The following CRAMP1 variants were observed in gnomAD, a reference collection of about 807,000 sequenced individuals.
The protein encoded by CRAMP1 is protein cramped-like.
Under a neutral mutation model 115.4 loss-of-function variants are expected in CRAMP1, and 50 were observed. The ratio of observed to expected loss-of-function variants is 0.43; its 90% CI spans 0.35 to 0.55. The LOEUF (loss-of-function observed/expected upper bound fraction) is 0.55. CRAMP1 is among the 20% of genes least tolerant of loss of function. The pLI, the probability that CRAMP1 is intolerant of heterozygous loss-of-function variation, is 0.01. For synonymous variants in CRAMP1, 866 were observed against 745.4 expected (o/e 1.16, Z -2.64); for missense variants, 1,679 against 1,721.7 (o/e 0.98, Z 0.44).
intron 8 of CRAMP1, among the ~76,000 whole-genome samples, chr16:1,653,967 C>G (rs2036747242): frequency 6.6e-6 from 1 of 151,582 alleles, no homozygotes; most frequent in African/African-American, 2.4e-5. Flanking sequence ...TGGTGAAACC[C>G]TGTCTCTACT....
rs377046325 is a variant in CRAMP1 at position 1,654,671 on chromosome 16, C to T, written c.1038-548C>T. Among the ~76,000 whole-genome samples the T allele has an allele frequency of 2.0e-3, 308 of 152,332 alleles. 7 individuals carry two copies. Among genetic ancestry groups the T allele is most frequent in the Middle Eastern group, 0.014 (4 of 294 alleles). On this transcript the variant is annotated intron_variant, in intron 8 of 20. Transcript: ENST00000397412. ...TCTATTCTCCATTCTCACCCTCCCACGGCCGCCGGCACCTCCCAGTCCGCC... is the reference window on the plus strand; with the variant it reads ...TCTATTCTCCATTCTCACCCTCCCATGGCCGCCGGCACCTCCCAGTCCGCC...
chr16:1,653,758 T>G (rs1453160215), intron 8 of CRAMP1, among the ~76,000 whole-genome samples: 1 of 150,166 alleles, frequency 6.7e-6, no homozygotes, highest in Non-Finnish European at 1.5e-5. Flanking sequence ...GAGGCGGAGC[T>G]TGCAGTGAGC....
chr16:1,637,818 T>G lies in CRAMP1; in HGVS notation c.695-6T>G. On this transcript the variant is annotated splice_region_variant and splice_polypyrimidine_tract_variant and intron_variant, in intron 4 of 20. Coordinates refer to ENST00000397412, the MANE Select transcript of CRAMP1 (RefSeq NM_020825.4). ...CTCTAAAGCCGCCTTCTCTTCTGTTTCTCAGTGTTCTCTCGAGGCCTGAAG... is the reference window on the plus strand; with the variant it reads ...CTCTAAAGCCGCCTTCTCTTCTGTTGCTCAGTGTTCTCTCGAGGCCTGAAG... 6.7e-7 allele frequency: 1 copy of G among 1,492,854 alleles called. No individual in the cohort carries two copies. The highest frequency in any genetic ancestry group is 9.0e-7 in the Non-Finnish European group (1 of 1,114,646). The allele number at this position is 1,492,854 out of a possible 1,614,324, so 92.5% of individuals were successfully genotyped here.
chr16:1,667,315 T>C lies in CRAMP1; in HGVS notation c.3037-20T>C. On this transcript the variant is annotated intron_variant, in intron 16 of 20. Transcript: ENST00000397412. ...ATCTGGTGCACCCTGCGGCTGCTCA[T>C]GGGCGTGCTCTTCCTGCAGGGCTCC... The C allele has an allele frequency of 1.2e-6, 2 of 1,611,596 alleles. No homozygotes were observed. The highest frequency in any genetic ancestry group is 8.5e-7 in the Non-Finnish European group (1 of 1,178,592).
intron 1 of CRAMP1, among the ~76,000 whole-genome samples, 172 bp downstream of exon 1, chr16:1,612,829 G>A (rs1281447054): frequency 1.3e-5 from 2 of 152,256 alleles, no homozygotes; most frequent in East Asian, 1.9e-4. Context: ...GAGCCGGTGC[G>A]GAGCGGGACG....
chr16:1,616,891 T>C (rs1186336316), intron 2 of CRAMP1, among the ~76,000 whole-genome samples: 1 of 151,978 alleles, frequency 6.6e-6, no homozygotes, highest in Non-Finnish European at 1.5e-5. Flanking sequence ...CTCAGCTCAT[T>C]GCAAGCTCTG....
chr16:1,636,713 A>G (rs1391077801), intron 4 of CRAMP1, among the ~76,000 whole-genome samples: 1 of 152,240 alleles, frequency 6.6e-6, no homozygotes, highest in Non-Finnish European at 1.5e-5. Context: ...CAGTAACAAA[A>G]TGCAAAATAG....
At chr16:1,632,531 C>G (rs1318655949) in intron 4 of CRAMP1, among the ~76,000 whole-genome samples, 166 bp downstream of exon 4, 1 of 152,276 alleles carries the variant, frequency 6.6e-6, no homozygotes, top group African/African-American at 2.4e-5. Flanking sequence ...TGTGTGCTGT[C>G]TAACTCGGTC....
rs1473601978 is a variant in CRAMP1 at position 1,662,753 on chromosome 16, C to T, written c.2596-8C>T. On this transcript the variant is annotated splice_polypyrimidine_tract_variant and splice_region_variant and intron_variant, in intron 12 of 20. Coordinates refer to ENST00000397412, the MANE Select transcript of CRAMP1 (RefSeq NM_020825.4). ...CACCTTCAGGTGCCGGACGCTGCTC[C>T]CTTACAGATGCAGTCGGATTTCTTC... 1.2e-6 allele frequency: 2 copies of T among 1,613,894 alleles called. No individual in the cohort carries two copies. Among genetic ancestry groups the T allele is most frequent in the African/African-American group, 2.7e-5 (2 of 75,060 alleles).
At chr16:1,626,494 T>A (rs1596483550) in intron 3 of CRAMP1, among the ~76,000 whole-genome samples, 1 of 152,134 alleles carries the variant, frequency 6.6e-6, no homozygotes, top group Non-Finnish European at 1.5e-5. Context: ...GGGCTTTCCC[T>A]TTGTGCTGAG....
chr16:1,676,516 A>G lies in CRAMP1; in HGVS notation c.*2471A>G, dbSNP rs533820217. On this transcript the variant is annotated 3_prime_UTR_variant, in exon 21 of 21. Transcript: ENST00000397412. ...AAGGCTGGAATTTTCAAAAGATCCAAACAGAGACTTCCTGCATCTTCTGCC... is the reference window on the plus strand; with the variant it reads ...AAGGCTGGAATTTTCAAAAGATCCAGACAGAGACTTCCTGCATCTTCTGCC... The G allele has an allele frequency of 6.0e-5, 9 of 150,656 alleles. No individual in the cohort carries two copies. The highest frequency in any genetic ancestry group is 3.4e-3 in the Middle Eastern group (1 of 292). The allele number at this position is 150,656 out of a possible 1,614,324, so 9.3% of individuals were successfully genotyped here.
At chr16:1,651,570 C>T (rs1035671826) in intron 6 of CRAMP1, among the ~76,000 whole-genome samples, 1 of 144,980 alleles carries the variant, frequency 6.9e-6, no homozygotes, top group Non-Finnish European at 1.5e-5. Flanking sequence ...TGAGGTCACA[C>T]AGTTCACGGA....
intron 3 of CRAMP1, among the ~76,000 whole-genome samples, chr16:1,627,553 G>T (rs577331329): frequency 2.6e-5 from 4 of 152,308 alleles, no homozygotes; most frequent in African/African-American, 7.2e-5. Context: ...GTAAATGTGG[G>T]CATGAGACTT....
rs1049112398 is a variant in CRAMP1, at chr16:1,677,455, A to C, written c.*3410A>C. 1 of 152,368 alleles carries C rather than the reference A, an allele frequency of 6.6e-6. No homozygotes were observed. Among genetic ancestry groups the C allele is most frequent in the Non-Finnish European group, 1.5e-5 (1 of 68,098 alleles). The allele number at this position is 152,368 out of a possible 1,614,324, so 9.4% of individuals were successfully genotyped here. A position where few individuals can be genotyped will look rare whatever the true frequency, so the allele number is the denominator to read the frequency against. On this transcript the variant is annotated 3_prime_UTR_variant, in exon 21 of 21. Coordinates refer to ENST00000397412, the MANE Select transcript of CRAMP1 (RefSeq NM_020825.4). ...CGAAACTGGGTCTCAAGTTAAAAAAAGAAAGCAAGGAAAGAGTAATTTACA... is the reference window on the plus strand; with the variant it reads ...CGAAACTGGGTCTCAAGTTAAAAAACGAAAGCAAGGAAAGAGTAATTTACA...
intron 16 of CRAMP1, 89 bp from the exon 17 acceptor site, chr16:1,667,246 G>A (rs1325044911): frequency 5.8e-6 from 6 of 1,030,108 alleles, no homozygotes; most frequent in African/African-American, 1.6e-5. Context: ...GGGATGGAAC[G>A]CCTCTTTTTC....
chr16:1,657,754 T>C (rs1436332788), intron 10 of CRAMP1, among the ~76,000 whole-genome samples: 3 of 152,126 alleles, frequency 2.0e-5, no homozygotes, highest in Non-Finnish European at 2.9e-5. Context: ...GGAGTAATCC[T>C]ACCCCACAGC....
chr16:1,626,634 TAGAG>T (rs1207676240), intron 3 of CRAMP1, among the ~76,000 whole-genome samples: 6 of 152,170 alleles, frequency 3.9e-5, no homozygotes, highest in Non-Finnish European at 8.8e-5. Flanking sequence ...GTCCTAAAAA[TAGAG>T]AGAAGCCACT....
At position 1,655,986 on chromosome 16, in the gene CRAMP1, C is replaced by A. The variant is rs1233878814; in HGVS notation, c.1229C>A (p.Pro410Gln). The change falls in exon 10 of 21, where the codon CCG becomes CAG. Residue 410 changes from proline (P) to glutamine (Q), a missense_variant. Physicochemically the swap from Pro to Gln is moderately conservative, Grantham distance 76. Coordinates refer to ENST00000397412, the MANE Select transcript of CRAMP1 (RefSeq NM_020825.4). Reference protein sequence around the residue: ...PGENCTLTPLPGVARVVHSKA... With the variant: ...PGENCTLTPLQGVARVVHSKA... ...GAGAACTGTACACTGACACCGCTGC[C>A]GGGCGTGGCTCGCGTGGTGCACTCC... The A allele has an allele frequency of 6.2e-7, 1 of 1,612,916 alleles. No homozygotes were observed. The highest frequency in any genetic ancestry group is 1.3e-5 in the African/African-American group (1 of 74,928).
intron 2 of CRAMP1, among the ~76,000 whole-genome samples, chr16:1,622,815 G>A (rs2036476931): frequency 6.8e-6 from 1 of 148,046 alleles, no homozygotes; most frequent in Non-Finnish European, 1.5e-5. Flanking sequence ...AGGCTGGAGT[G>A]CAGTGGCTAG....
Sources: gnomAD v4.1 joint callset for allele counts (sites outside exome capture counted in the v4.1 genomes callset) on GRCh38, gnomAD v4.1.1 for gene constraint, MANE v1.5 for transcripts, NCBI Gene and HGNC (gene_info 2026-07-23, HGNC 2026-07-21) for gene names.